Variants in CACHD1 observed in about 807,000 individuals in gnomAD.
The protein encoded by CACHD1 is VWFA and cache domain-containing protein 1.
CACHD1 carries 71 observed loss-of-function variants against 138.7 expected under a neutral mutation model. That is an observed-to-expected ratio of 0.51 (90% confidence interval 0.42 to 0.62). CACHD1 has a LOEUF of 0.62. Ranked by LOEUF, CACHD1 falls within the 20% of genes least tolerant of loss-of-function variation. The pLI, the probability that CACHD1 is intolerant of heterozygous loss-of-function variation, is 0.00. For synonymous variants in CACHD1, 578 were observed against 591.5 expected, an observed-to-expected ratio of 0.98 and a Z score of 0.33; for missense variants, 1,389 against 1,625.3, an observed-to-expected ratio of 0.85 and a Z score of 2.50.
intron 1 of CACHD1, among the ~76,000 whole-genome samples, chr1:64,543,091 T>C (rs1241586634): frequency 6.6e-6 from 1 of 152,066 alleles, no homozygotes; most frequent in Non-Finnish European, 1.5e-5. Context: ...AAACATGCTT[T>C]TAATAGCTGC....
chr1:64,677,129 T>C, intron 22 of CACHD1, 118 bp downstream of exon 22: 1 of 760,962 alleles, frequency 1.3e-6, no homozygotes, highest in African/African-American at 1.8e-5. Context: ...CATAAGCCTT[T>C]ACCCACCAGA....
intron 14 of CACHD1, 92 bp downstream of exon 14, chr1:64,663,929 G>T (rs1196392924): frequency 6.6e-7 from 1 of 1,516,314 alleles, no homozygotes. Flanking sequence ...AGGAAACCCA[G>T]CTCTGCATCT....
chr1:64,633,038 A>G (rs559209820), intron 6 of CACHD1, among the ~76,000 whole-genome samples: 1 of 152,198 alleles, frequency 6.6e-6, no homozygotes, highest in African/African-American at 2.4e-5. Context: ...AATTTATTGA[A>G]TACAGTACAC....
At chr1:64,590,713 A>G (rs1314956810) in intron 3 of CACHD1, among the ~76,000 whole-genome samples, 1 of 152,128 alleles carries the variant, frequency 6.6e-6, no homozygotes, top group Non-Finnish European at 1.5e-5. Context: ...TTTAAACTGA[A>G]CTCAAGCATG....
In CACHD1 at chr1:64,691,552, AG is replaced by A; in HGVS notation, c.3817del (p.Glu1273AsnfsTer12). On this transcript the variant is annotated frameshift_variant, in exon 27 of 27. Transcript: ENST00000651257. LOFTEE classifies it high-confidence loss of function. ...CCGTCACGGTACACACTGTCGATGC[AG>A]AATGCTAACAATCTCCTCACCTCCA... ...AAVTVHTVDA[E>X]C is the part of the protein sequence containing the mutation. The A allele has an allele frequency of 1.9e-6, 3 of 1,613,452 alleles. No homozygotes were observed. The highest frequency in any genetic ancestry group is 2.5e-6 in the Non-Finnish European group (3 of 1,179,414).
In CACHD1 at chr1:64,566,600, A is replaced by G. The variant is rs2100498769; in HGVS notation, c.262-15556A>G. On this transcript the variant is annotated intron_variant, in intron 2 of 26. Transcript: ENST00000651257. Reference sequence around the variant, plus strand: ...TCCTCTTATTTGTTTGGTATATTGAAGGTTAGTATGAGGCTTTTTTTTTTT... The same window carrying G: ...TCCTCTTATTTGTTTGGTATATTGAGGGTTAGTATGAGGCTTTTTTTTTTT... Among the ~76,000 whole-genome samples the G allele has an allele frequency of 2.4e-5, 3 of 127,596 alleles. No homozygotes were observed. In the South Asian group the frequency reaches 8.2e-4, roughly 35 times the overall value. 83.7% of individuals were successfully genotyped at this position (127,596 alleles called of 152,430 possible).
At chr1:64,557,283 G>A (rs1307979261) in intron 2 of CACHD1, among the ~76,000 whole-genome samples, 4 of 152,082 alleles carry the variant, frequency 2.6e-5, no homozygotes, top group African/African-American at 4.8e-5. Context: ...TTCTTGGGGG[G>A]CTTGATTGGA....
chr1:64,519,010 A>G (rs937237476), intron 1 of CACHD1, among the ~76,000 whole-genome samples: 3 of 152,102 alleles, frequency 2.0e-5, no homozygotes, highest in African/African-American at 4.8e-5. Context: ...AATACCTTGA[A>G]TTTCCCTTCC....
At chr1:64,492,260 G>C (rs987776944) in intron 1 of CACHD1, among the ~76,000 whole-genome samples, 1 of 149,680 alleles carries the variant, frequency 6.7e-6, no homozygotes, top group African/African-American at 2.4e-5. Context: ...TTTTGGAAAT[G>C]TTTTATCCTT....
At chr1:64,493,313 A>G (rs1646288893) in intron 1 of CACHD1, among the ~76,000 whole-genome samples, 1 of 152,202 alleles carries the variant, frequency 6.6e-6, no homozygotes, top group African/African-American at 2.4e-5. Context: ...GATCATGAAG[A>G]AATAATGAGG....
intron 1 of CACHD1, among the ~76,000 whole-genome samples, chr1:64,522,018 A>G (rs949377019): frequency 4.6e-5 from 7 of 152,216 alleles, no homozygotes; most frequent in Non-Finnish European, 7.3e-5. Context: ...GCCATGTTTA[A>G]GAATCATTGG....
chr1:64,560,552 G>A (rs1207403018), intron 2 of CACHD1, among the ~76,000 whole-genome samples: 3 of 151,544 alleles, frequency 2.0e-5, no homozygotes, highest in African/African-American at 7.3e-5. Flanking sequence ...TTCCATTATG[G>A]TCAGAGAACA....
rs190786342 is a variant in CACHD1 at position 64,682,790 on chromosome 1, G to A, written c.3586+684G>A. Among the ~76,000 whole-genome samples the A allele has an allele frequency of 3.5e-4, 53 of 152,082 alleles. No homozygotes were observed. In the East Asian group the frequency reaches 4.4e-3, roughly 13 times the overall value. ...TTCTCTCCTTCTCAGAGTCCATATC[G>A]CTCATTGTTGCAAAGAACAGCAGAT... On this transcript the variant is annotated intron_variant, in intron 26 of 26. Transcript: ENST00000651257.
Position 64,567,884 on chromosome 1 carries a change from CA to C in CACHD1, c.262-14271del, listed in dbSNP as rs1159500984. Among the ~76,000 whole-genome samples, 3 of 152,130 alleles carry C rather than the reference CA, an allele frequency of 2.0e-5. No individual in the cohort carries two copies. The East Asian group carries it at 5.8e-4, about 29-fold the overall frequency. Reference sequence around the variant, plus strand: ...AAAGCAAGTTTAAATGCTCAGTTGTCAGGGGTAAAACAATGGTGGAGGGTGC... The same window carrying C: ...AAAGCAAGTTTAAATGCTCAGTTGTCGGGGTAAAACAATGGTGGAGGGTGC... On this transcript the variant is annotated intron_variant, in intron 2 of 26. Transcript: ENST00000651257.
At chr1:64,671,372 A>T (rs1215976200) in intron 16 of CACHD1, among the ~76,000 whole-genome samples, 192 bp from the exon 17 acceptor site, 8 of 151,952 alleles carry the variant, frequency 5.3e-5, no homozygotes, top group Non-Finnish European at 1.0e-4. Flanking sequence ...TAAGTCTTAA[A>T]TTTTTTTCTC....
At chr1:64,485,274 A>C (rs1251049841) in intron 1 of CACHD1, among the ~76,000 whole-genome samples, 1 of 152,120 alleles carries the variant, frequency 6.6e-6, no homozygotes, top group Non-Finnish European at 1.5e-5. Flanking sequence ...CAGTATCATC[A>C]CCCCCCAAAA....
intron 2 of CACHD1, among the ~76,000 whole-genome samples, chr1:64,576,542 A>G (rs1646969154): frequency 6.6e-6 from 1 of 151,798 alleles, no homozygotes; most frequent in Admixed American, 6.6e-5. Context: ...AGGTTTCCAT[A>G]GTGTGTCACC....
intron 1 of CACHD1, among the ~76,000 whole-genome samples, chr1:64,517,178 A>G (rs2100364201): frequency 6.6e-6 from 1 of 152,342 alleles, no homozygotes; most frequent in Admixed American, 6.5e-5. Context: ...TATTCATTAC[A>G]TTTGATCCTA....
At chr1:64,608,616 C>T (rs1647415419) in intron 4 of CACHD1, among the ~76,000 whole-genome samples, 1 of 152,184 alleles carries the variant, frequency 6.6e-6, no homozygotes, top group Non-Finnish European at 1.5e-5. Flanking sequence ...AAAACCACCC[C>T]AGCCAGATCC....
Sources: allele counts gnomAD v4.1 joint callset (sites outside exome capture counted in the v4.1 genomes callset), GRCh38; gene constraint gnomAD v4.1.1; transcripts MANE v1.5; gene names NCBI Gene and HGNC (gene_info 2026-07-23, HGNC 2026-07-21).